UGT1A5: variants seen among roughly 807,000 people sequenced by gnomAD.
UGT1A5 encodes the protein UDP glucuronosyltransferase family 1 member A5.
In UGT1A5, 29 loss-of-function variants were observed where a neutral mutation model predicts 40.3. The observed-to-expected ratio is 0.72, with a 90% confidence interval of 0.54 to 0.98. The LOEUF is 0.98. Among genes scored for constraint, UGT1A5 ranks in the 50% least tolerant of loss-of-function variants. UGT1A5 has a pLI of 0.00. For missense variants in UGT1A5, 678 were observed against 677.9 expected, an observed-to-expected ratio of 1.00 and a Z score of 0.00; for synonymous variants, 257 against 262.5, an observed-to-expected ratio of 0.98 and a Z score of 0.20.
At chr2:233,760,521 G>C (rs2125985351) in intron 1 of UGT1A5, 1 of 1,614,238 alleles carries the variant, frequency 6.2e-7, no homozygotes, top group East Asian at 2.2e-5. Flanking sequence ...CCTTGAAGAC[G>C]TACCCTGTGC....
intron 2 of UGT1A5, among the ~76,000 whole-genome samples, chr2:233,767,590 G>T (rs1451772167): frequency 6.6e-6 from 1 of 152,126 alleles, no homozygotes; most frequent in Middle Eastern, 3.2e-3. Context: ...CCCTTAAAGT[G>T]CAGGAAAGTG....
chr2:233,747,098 T>C (rs1559391803), intron 1 of UGT1A5: 2 of 1,324,344 alleles, frequency 1.5e-6, no homozygotes, highest in Non-Finnish European at 2.1e-6. Flanking sequence ...CACTCTATCT[T>C]CCAATTACAT....
chr2:233,727,259 C>T (rs376711129), intron 1 of UGT1A5, among the ~76,000 whole-genome samples: 2 of 152,098 alleles, frequency 1.3e-5, no homozygotes, highest in African/African-American at 4.8e-5. Flanking sequence ...CAGCCCAGAC[C>T]CCTCCTCATC....
At chr2:233,768,945 T>C (rs1365506143) in intron 4 of UGT1A5, among the ~76,000 whole-genome samples, 1 of 152,204 alleles carries the variant, frequency 6.6e-6, no homozygotes, top group Admixed American at 6.5e-5. Context: ...TTCTTTAGTT[T>C]CTATATAATT....
Position 233,713,877 on chromosome 2 carries a change from A to G in UGT1A5, c.867+19A>G. The G allele has an allele frequency of 1.2e-6, 2 of 1,613,698 alleles. No homozygotes were observed. Among genetic ancestry groups the G allele is most frequent in the Non-Finnish European group, 1.7e-6 (2 of 1,179,928 alleles). On this transcript the variant is annotated intron_variant, in intron 1 of 4. Coordinates refer to ENST00000373414, the MANE Select transcript of UGT1A5 (RefSeq NM_019078.2). ...ATCTCAGGTCTGTATTGGTGCCTTTATCCAATCAATGTTCCAGGCAAAACA... is the reference window on the plus strand; with the variant it reads ...ATCTCAGGTCTGTATTGGTGCCTTTGTCCAATCAATGTTCCAGGCAAAACA...
At chr2:233,750,039 G>A (rs1434781604) in intron 1 of UGT1A5, among the ~76,000 whole-genome samples, 1 of 151,888 alleles carries the variant, frequency 6.6e-6, no homozygotes, top group East Asian at 1.9e-4. Flanking sequence ...AAAGATACTT[G>A]AAAATGTGGA....
intron 1 of UGT1A5, chr2:233,747,685 G>C: frequency 1.2e-6 from 2 of 1,608,708 alleles, no homozygotes; most frequent in Non-Finnish European, 1.7e-6. Context: ...TACCTCTGTG[G>C]GGCAGTGCTG....
chr2:233,760,639 A>G, intron 1 of UGT1A5: 1 of 1,614,156 alleles, frequency 6.2e-7, no homozygotes, highest in African/African-American at 1.3e-5. Context: ...GAAAATAAAA[A>G]AGGACTCTGC....
At chr2:233,760,458 A>C (rs1336419159) in intron 1 of UGT1A5, 1 of 1,614,212 alleles carries the variant, frequency 6.2e-7, no homozygotes, top group South Asian at 1.1e-5. Context: ...GACATGAAAT[A>C]GTTGTCCTAG....
At chr2:233,719,649 G>A in intron 1 of UGT1A5, 1 of 1,614,068 alleles carries the variant, frequency 6.2e-7, no homozygotes, top group South Asian at 1.1e-5. Context: ...GGTCTTCATT[G>A]GGGGCATCAA....
intron 1 of UGT1A5, among the ~76,000 whole-genome samples, chr2:233,757,319 C>T (rs999230342): frequency 1.7e-4 from 25 of 147,060 alleles, no homozygotes; most frequent in Non-Finnish European, 3.3e-4. Flanking sequence ...GGGGCTGGGG[C>T]CCTGAAATGG....
At chr2:233,765,145 T>A (rs1698762439) in intron 1 of UGT1A5, among the ~76,000 whole-genome samples, 1 of 152,138 alleles carries the variant, frequency 6.6e-6, no homozygotes, top group Admixed American at 6.5e-5. Context: ...ACATCACATG[T>A]CCTAGGGAAC....
chr2:233,726,835 ATT>A (rs1243429736), intron 1 of UGT1A5, among the ~76,000 whole-genome samples: 1 of 152,090 alleles, frequency 6.6e-6, no homozygotes, highest in African/African-American at 2.4e-5. Flanking sequence ...TTTAAATTTA[ATT>A]TTTGTTCCTT....
chr2:233,717,804 C>A (rs147106885), intron 1 of UGT1A5: 23 of 455,884 alleles, frequency 5.0e-5, no homozygotes, highest in African/African-American at 3.8e-4. Context: ...AGTGCCCCCA[C>A]AAATTATGCA....
intron 1 of UGT1A5, among the ~76,000 whole-genome samples, chr2:233,758,813 G>T (rs1033516774): frequency 6.6e-6 from 1 of 152,176 alleles, no homozygotes; most frequent in Non-Finnish European, 1.5e-5. Context: ...TAGTACAGCA[G>T]TATATCCCCC....
chr2:233,728,813 A>G (rs1159466657), intron 1 of UGT1A5, among the ~76,000 whole-genome samples: 11 of 152,216 alleles, frequency 7.2e-5, no homozygotes. Flanking sequence ...AGACAGTGAC[A>G]TGAAATGGGT....
At chr2:233,717,863 T>C (rs1490310722) in intron 1 of UGT1A5, 3 of 454,794 alleles carry the variant, frequency 6.6e-6, no homozygotes, top group East Asian at 6.9e-5. Flanking sequence ...TGGTGCTGGA[T>C]TGACTTGGAG....
intron 1 of UGT1A5, chr2:233,761,102 T>A: frequency 6.2e-7 from 1 of 1,614,234 alleles, no homozygotes; most frequent in Non-Finnish European, 8.5e-7. Context: ...ATGCCCAATA[T>A]GGTTTTTGTT....
intron 1 of UGT1A5, among the ~76,000 whole-genome samples, chr2:233,761,928 C>A (rs183537343): frequency 6.6e-6 from 1 of 152,346 alleles, no homozygotes; most frequent in Non-Finnish European, 1.5e-5. Flanking sequence ...AGCCCAGGCA[C>A]TTCCCAGGTG....
Sources: gnomAD v4.1 joint callset for allele counts (sites outside exome capture counted in the v4.1 genomes callset) on GRCh38, gnomAD v4.1.1 for gene constraint, MANE v1.5 for transcripts, NCBI Gene and HGNC (gene_info 2026-07-23, HGNC 2026-07-21) for gene names.